Variants in PXDN observed in about 807,000 individuals in gnomAD.
PXDN encodes peroxidasin, also known as peroxidasin homolog.
A neutral mutation model predicts 140.3 loss-of-function variants in PXDN; 77 were observed. That is an observed-to-expected ratio of 0.55 (90% CI 0.46 to 0.66). PXDN has a LOEUF of 0.66. PXDN is among the 30% of genes least tolerant of loss of function. The pLI, the probability that PXDN is intolerant of heterozygous loss-of-function variation, is 0.00. For synonymous variants in PXDN, 911 were observed against 857.4 expected, an observed-to-expected ratio of 1.06 and a Z score of -1.09; for missense variants, 1,838 against 2,039.5, an observed-to-expected ratio of 0.90 and a Z score of 1.90.
At chr2:1,722,998 ATAGG>A (rs1291899286) in intron 1 of PXDN, among the ~76,000 whole-genome samples, 4 of 152,198 alleles carry the variant, frequency 2.6e-5, no homozygotes, top group African/African-American at 9.7e-5. Flanking sequence ...GGATGGATAG[ATAGG>A]TGGGTGATTA....
intron 17 of PXDN, among the ~76,000 whole-genome samples, chr2:1,645,378 T>C (rs898683575): frequency 3.3e-5 from 5 of 152,182 alleles, no homozygotes; most frequent in Non-Finnish European, 5.9e-5. Flanking sequence ...TCAGCTAATC[T>C]CATCTTAGAA....
chr2:1,733,748 CAA>C (rs72208257), intron 1 of PXDN, among the ~76,000 whole-genome samples: 4 of 79,246 alleles, frequency 5.0e-5, no homozygotes, highest in South Asian at 1.3e-3. Flanking sequence ...TGTCAAATGA[CAA>C]AAAAAAAAAA....
At chr2:1,666,162 G>A in intron 10 of PXDN, 52 bp downstream of exon 10, 4 of 1,596,322 alleles carry the variant, frequency 2.5e-6, no homozygotes, top group East Asian at 2.2e-5. Context: ...AGCTAGTGGA[G>A]GGGTGAGGAT....
At chr2:1,688,824 G>A (rs749597834) in intron 3 of PXDN, among the ~76,000 whole-genome samples, 2,362 of 152,058 alleles carry the variant, frequency 0.016, 38 homozygotes, top group Admixed American at 0.039. Context: ...AACATTTTTT[G>A]TCTTAATGCT....
At position 1,673,678 on chromosome 2, in the gene PXDN, G is replaced by A. The variant is rs749632473; in HGVS notation, c.983C>T (p.Thr328Met). ...GAAGTACCTGAGGGTCACCTCTTGC[G>A]TCTTCACCTCTCCGGCCACGTTCTT... ...MAKNVAGEVK[T>M]QEVTLRYFGS... Residue 328 changes from threonine (T) to methionine (M), a missense_variant, in exon 9 of 23, where the codon ACG becomes ATG. Thr to Met is a moderately conservative substitution (Grantham distance 81). This residue lies in a region of PXDN where 208 missense variants were observed against 325.8 expected (regional missense o/e 0.64). Coordinates refer to ENST00000252804, the MANE Select transcript of PXDN (RefSeq NM_012293.3). 9 of 1,613,852 alleles carry A rather than the reference G, an allele frequency of 5.6e-6. No homozygotes were observed. Among genetic ancestry groups the A allele is most frequent in the Admixed American group, 1.7e-5 (1 of 60,006 alleles).
At position 1,639,318 on chromosome 2, in the gene PXDN, G is replaced by A. The variant is rs1057197237; in HGVS notation, c.4057C>T (p.Pro1353Ser). 1.2e-6 allele frequency: 2 copies of A among 1,613,580 alleles called. No homozygotes were observed. Among genetic ancestry groups the A allele is most frequent in the African/African-American group, 2.7e-5 (2 of 74,926 alleles). The change falls in exon 20 of 23, where the codon CCA (proline) becomes TCA (serine). Residue 1353 changes from proline to serine, a missense_variant. Physicochemically the swap from Pro to Ser is moderately conservative, Grantham distance 74 (BLOSUM62 -1). Around this residue, in one of 5 missense-constraint regions of PXDN, gnomAD observed 850 missense variants for 894.1 expected, o/e 0.95. Transcript: ENST00000252804. The surrounding 1 kb of genome is among the most constrained non-coding windows in gnomAD (Gnocchi z 5.0). ...QEDKPTKKTR[P>S]RKIPSVGRQG... is the part of the protein sequence containing the mutation. ...CCACCATACCTGGGTATTTTCCGTG[G>A]TCTTGTTTTCTTGGTCGGCTTGTCC...
chr2:1,680,351 G>C lies in PXDN; in HGVS notation c.572C>G (p.Ser191Ter). 1 of 1,614,012 alleles carries C rather than the reference G, an allele frequency of 6.2e-7. No individual in the cohort carries two copies. The highest frequency in any genetic ancestry group is 8.5e-7 in the Non-Finnish European group (1 of 1,179,886). ...TTCACAGTCGCAGTGAAGTGTGTTT[G>C]AGTCCAGTCGCCTGTGGGAAGGAAG... is the stretch of plus-strand genomic sequence containing the variant. ...LESMKRLRLD[S>*]NTLHCDCEIL... The change falls in exon 7 of 23, where the codon TCA becomes TGA. Residue 191 changes from serine (S) to a stop codon, truncating the protein, a stop_gained. Coordinates refer to ENST00000252804, the MANE Select transcript of PXDN (RefSeq NM_012293.3). LOFTEE classifies it high-confidence loss of function.
intron 13 of PXDN, 150 bp from the exon 14 acceptor site, chr2:1,661,187 C>A: frequency 1.1e-6 from 1 of 885,936 alleles, no homozygotes; most frequent in Non-Finnish European, 1.7e-6. Flanking sequence ...GCCTGGAAAG[C>A]GAAGGAGATG....
At position 1,648,226 on chromosome 2, in the gene PXDN, A is replaced by C; in HGVS notation, c.3554T>G (p.Phe1185Cys). The C allele has an allele frequency of 6.2e-7, 1 of 1,613,762 alleles. No homozygotes were observed. Among genetic ancestry groups the C allele is most frequent in the Non-Finnish European group, 8.5e-7 (1 of 1,179,800 alleles). The change falls in exon 17 of 23, where the codon TTC becomes TGC. Residue 1185 changes from phenylalanine (F) to cysteine (C), a missense_variant. By Grantham distance (205) the Phe-to-Cys change is radical. Around this residue, in one of 5 missense-constraint regions of PXDN, gnomAD observed 850 missense variants for 894.1 expected, o/e 0.95. Coordinates refer to ENST00000252804, the MANE Select transcript of PXDN (RefSeq NM_012293.3). This position sits in a 1 kb window ranked among gnomAD's most constrained non-coding sequence, Gnocchi z 8.9. ...VYCNLSAAHT[F>C]EDLKNEIKNP... Reference sequence around the variant, plus strand: ...TTTAATCTCATTTTTCAGGTCCTCGAACGTGTGTGCCGCCGATAGATTGCA... The same window carrying C: ...TTTAATCTCATTTTTCAGGTCCTCGCACGTGTGTGCCGCCGATAGATTGCA...
intron 1 of PXDN, among the ~76,000 whole-genome samples, chr2:1,715,084 A>C (rs1463474956): frequency 6.6e-6 from 1 of 152,128 alleles, no homozygotes; most frequent in Non-Finnish European, 1.5e-5. Flanking sequence ...ATAATCCAAA[A>C]CTTCTTCCAT....
At chr2:1,712,697 G>A (rs1684811800) in intron 1 of PXDN, among the ~76,000 whole-genome samples, 1 of 152,180 alleles carries the variant, frequency 6.6e-6, no homozygotes. Flanking sequence ...GATGAGACTT[G>A]GGCAGGGAAA....
chr2:1,697,826 G>A (rs1016912309), intron 1 of PXDN, among the ~76,000 whole-genome samples: 4 of 152,218 alleles, frequency 2.6e-5, no homozygotes, highest in African/African-American at 7.2e-5. Flanking sequence ...TGGGTCACCT[G>A]CCCTCCGCAG....
chr2:1,677,287 C>T (rs1683743957), intron 7 of PXDN, among the ~76,000 whole-genome samples: 1 of 152,200 alleles, frequency 6.6e-6, no homozygotes, highest in Admixed American at 6.5e-5. Flanking sequence ...GACAGGCTGG[C>T]TCAGAGTTGG....
intron 1 of PXDN, among the ~76,000 whole-genome samples, chr2:1,694,784 A>G (rs1684264141): frequency 6.6e-6 from 1 of 152,234 alleles, no homozygotes; most frequent in African/African-American, 2.4e-5. Context: ...GGGAGGGGAA[A>G]GCAGCCATCC....
rs1558509285 is a variant in PXDN, at chr2:1,687,572, C to T, written c.416+60G>A. ...AGCTAGCTCACTCCACTGGTCCCTA[C>T]AAGAGGAAAACAGCCAGACGGCATC... On this transcript the variant is annotated intron_variant, in intron 4 of 22. Coordinates refer to ENST00000252804, the MANE Select transcript of PXDN (RefSeq NM_012293.3). The surrounding 1 kb of genome is among the most constrained non-coding windows in gnomAD (Gnocchi z 4.0). 2.2e-6 allele frequency: 3 copies of T among 1,343,208 alleles called. No individual in the cohort carries two copies. Among genetic ancestry groups the T allele is most frequent in the Admixed American group, 2.0e-5 (1 of 49,218 alleles). 83.2% of individuals were successfully genotyped at this position (1,343,208 alleles called of 1,614,324 possible).
chr2:1,725,226 T>C (rs1685148819), intron 1 of PXDN, among the ~76,000 whole-genome samples: 1 of 152,238 alleles, frequency 6.6e-6, no homozygotes, highest in Non-Finnish European at 1.5e-5. Flanking sequence ...GCAACTTTAC[T>C]AAATTTATTA....
At chr2:1,672,531 T>C (rs1683600925) in intron 9 of PXDN, among the ~76,000 whole-genome samples, 1 of 152,222 alleles carries the variant, frequency 6.6e-6, no homozygotes, top group African/African-American at 2.4e-5. Flanking sequence ...CCCACAGCAT[T>C]CTGAATTTGG....
At chr2:1,674,994 C>T (rs574616847) in intron 8 of PXDN, among the ~76,000 whole-genome samples, 16 of 152,320 alleles carry the variant, frequency 1.1e-4, no homozygotes, top group South Asian at 2.1e-4. Flanking sequence ...GCAGCCAAAC[C>T]GTCGGGAACA....
intron 19 of PXDN, among the ~76,000 whole-genome samples, chr2:1,640,406 C>T (rs1267504098): frequency 1.3e-5 from 2 of 152,206 alleles, no homozygotes; most frequent in Non-Finnish European, 2.9e-5. Flanking sequence ...ACACCTCAGA[C>T]CCCATGCTAG....
Sources: allele counts gnomAD v4.1 joint callset (sites outside exome capture counted in the v4.1 genomes callset), GRCh38; gene constraint gnomAD v4.1.1; regional missense constraint gnomAD v4.1.1; non-coding constraint Gnocchi (gnomAD v3.1); transcripts MANE v1.5; gene names NCBI Gene and HGNC (gene_info 2026-07-23, HGNC 2026-07-21).